The following ACTN4 variants were observed in gnomAD, a reference collection of about 807,000 sequenced individuals.
ACTN4 encodes the protein actinin alpha 4, also known as alpha-actinin-4.
A neutral mutation model predicts 114.2 loss-of-function variants in ACTN4; 18 were observed. That is an observed-to-expected ratio of 0.16 (90% confidence interval 0.11 to 0.23). ACTN4 has a LOEUF of 0.23. Ranked by LOEUF, ACTN4 falls within the 10% of genes least tolerant of loss-of-function variation. ACTN4 has a pLI of 1.00. For synonymous variants in ACTN4, 515 were observed against 506.3 expected, an observed-to-expected ratio of 1.02 and a Z score of -0.23; for missense variants, 722 against 1,262.9, an observed-to-expected ratio of 0.57 and a Z score of 6.49.
At position 38,700,638 on chromosome 19, in the gene ACTN4, A is replaced by G. The variant is rs772894941; in HGVS notation, c.201A>G (p.Ala67=). The G allele has an allele frequency of 6.2e-7, 1 of 1,614,138 alleles. No homozygotes were observed. The highest frequency in any genetic ancestry group is 1.3e-5 in the African/African-American group (1 of 75,034). ...TAWCNSHLRK[A]GTQIENIDED... ...GGTGCAACTCCCACCTGCGGAAGGC[A>G]GGCACACAGATCGAGAACATTGATG... The change falls in exon 2 of 21, where the codon GCA becomes GCG. Residue 67 remains alanine, a synonymous_variant. Transcript: ENST00000252699.
At chr19:38,694,837 A>C (rs1968039206) in intron 1 of ACTN4, among the ~76,000 whole-genome samples, 1 of 152,092 alleles carries the variant, frequency 6.6e-6, no homozygotes, top group Non-Finnish European at 1.5e-5. Context: ...ATTACCTTTA[A>C]TATGTCATGC....
chr19:38,676,535 A>C (rs1967380862), intron 1 of ACTN4, among the ~76,000 whole-genome samples: 1 of 152,218 alleles, frequency 6.6e-6, no homozygotes, highest in Non-Finnish European at 1.5e-5. Flanking sequence ...GAGGAGGCTT[A>C]CAGAGGTCTT....
rs537512659 is a variant in ACTN4 at position 38,724,746 on chromosome 19, G to A, written c.2010+181G>A. Among the ~76,000 whole-genome samples the A allele has an allele frequency of 2.6e-5, 4 of 152,354 alleles. No individual in the cohort carries two copies. In the East Asian group the frequency reaches 7.7e-4, roughly 29 times the overall value. ...AGGAGAGTCCACAGAGCTTGCGCCT[G>A]GAATCCCGGCACCTGGGGAGGCTGA... On this transcript the variant is annotated intron_variant, in intron 16 of 20. Transcript: ENST00000252699. This position sits in a 1 kb window ranked among gnomAD's most constrained non-coding sequence, Gnocchi z 7.0.
rs1163752947 is a variant in ACTN4, at chr19:38,673,485, A to T, written c.162+25578A>T. Among the ~76,000 whole-genome samples, 28 of 84,510 alleles carry T rather than the reference A, an allele frequency of 3.3e-4. 1 individual carries two copies. The highest frequency in any genetic ancestry group is 1.0e-3 in the African/African-American group (25 of 25,076). The allele number at this position is 84,510 out of a possible 152,430, so 55.4% of individuals were successfully genotyped here. A position where few individuals can be genotyped will look rare whatever the true frequency, so the allele number is the denominator to read the frequency against. On this transcript the variant is annotated intron_variant, in intron 1 of 20. Transcript: ENST00000252699. ...TATATTTATATATATTTATATATAT[A>T]TTCATATATATTTATATATATGAAT...
chr19:38,699,802 T>G lies in ACTN4; in HGVS notation c.163-798T>G, dbSNP rs934002970. Among the ~76,000 whole-genome samples the G allele has an allele frequency of 3.1e-4, 47 of 150,532 alleles. 1 individual carries two copies. Among genetic ancestry groups the G allele is most frequent in the Non-Finnish European group, 5.3e-4 (36 of 67,726 alleles). ...AGAATAGGAAGGATAGGGCATGGCA[T>G]GTTCTCCAGGAGACAGAGGGACGGG... On this transcript the variant is annotated intron_variant, in intron 1 of 20. Coordinates refer to ENST00000252699, the MANE Select transcript of ACTN4 (RefSeq NM_004924.6).
intron 3 of ACTN4, among the ~76,000 whole-genome samples, 173 bp downstream of exon 3, chr19:38,701,294 G>C (rs1223907933): frequency 6.6e-6 from 1 of 152,116 alleles, no homozygotes; most frequent in Admixed American, 6.5e-5. Flanking sequence ...TATGATGCTG[G>C]GCCCACAAGC....
In ACTN4 at chr19:38,659,065, C is replaced by CTTTTTTTTTTTTTTTTT. The variant is rs577141157; in HGVS notation, c.162+11171_162+11172insTTTTTTTTTTTTTTTTT. ...TAACTTTTTTTTCTTCTTTTCTTTT[C>CTTTTTTTTTTTTTTTTT]TTTTTTTTTTTTTGAGACGGAGTCT... On this transcript the variant is annotated intron_variant, in intron 1 of 20. Transcript: ENST00000252699. Among the ~76,000 whole-genome samples the CTTTTTTTTTTTTTTTTT allele has an allele frequency of 2.4e-4, 27 of 111,690 alleles. 1 individual carries two copies. The highest frequency in any genetic ancestry group is 5.1e-4 in the East Asian group (2 of 3,948). 73.3% of individuals were successfully genotyped at this position (111,690 alleles called of 152,430 possible).
chr19:38,698,299 T>A (rs1455044645), intron 1 of ACTN4, among the ~76,000 whole-genome samples: 1 of 151,812 alleles, frequency 6.6e-6, no homozygotes, highest in Non-Finnish European at 1.5e-5. Context: ...GAGGAGGAAA[T>A]GGAAGTTAGG....
intron 1 of ACTN4, among the ~76,000 whole-genome samples, chr19:38,655,443 A>T (rs142645798): frequency 6.6e-6 from 1 of 152,286 alleles, no homozygotes; most frequent in Non-Finnish European, 1.5e-5. Flanking sequence ...AACTTTCTCA[A>T]TGTGATTCAG....
intron 5 of ACTN4, 89 bp from the exon 6 acceptor site, chr19:38,708,028 A>T (rs1217376671): frequency 7.7e-7 from 1 of 1,295,224 alleles, no homozygotes; most frequent in Non-Finnish European, 1.1e-6. Context: ...GTGAATGGGA[A>T]TTAGTCACTG....
chr19:38,700,458 C>T (rs112861208), intron 1 of ACTN4, 142 bp from the exon 2 acceptor site: 153 of 725,844 alleles, frequency 2.1e-4, no homozygotes, highest in African/African-American at 2.0e-3. Flanking sequence ...ATGTGTGTAT[C>T]GGCCATGTAC....
chr19:38,714,676 G>A (rs1051091907), intron 9 of ACTN4, 115 bp downstream of exon 9: 34 of 1,081,858 alleles, frequency 3.1e-5, no homozygotes, highest in African/African-American at 2.0e-4. Flanking sequence ...AAAAGGCTGC[G>A]TGGTCACAGA....
At chr19:38,656,309 G>T (rs1479169537) in intron 1 of ACTN4, among the ~76,000 whole-genome samples, 1 of 152,064 alleles carries the variant, frequency 6.6e-6, no homozygotes, top group Non-Finnish European at 1.5e-5. Flanking sequence ...ATGGGGTTTT[G>T]CTGTGTTGCC....
Position 38,708,402 on chromosome 19 carries a change from T to G in ACTN4, c.651+207T>G, listed in dbSNP as rs146738147. Reference sequence around the variant, plus strand: ...CACCTCCCTTATTCCCCTCGTGGACTGTCCAGTCTCCCTCCATGGCACTGC... The same window carrying G: ...CACCTCCCTTATTCCCCTCGTGGACGGTCCAGTCTCCCTCCATGGCACTGC... On this transcript the variant is annotated intron_variant, in intron 6 of 20. Coordinates refer to ENST00000252699, the MANE Select transcript of ACTN4 (RefSeq NM_004924.6). 9.7e-4 allele frequency among the ~76,000 whole-genome samples: 147 copies of G among 152,302 alleles called. 2 individuals carry two copies. The East Asian group carries it at 9.7e-3, about 10-fold the overall frequency.
At chr19:38,699,394 C>T (rs1968194849) in intron 1 of ACTN4, among the ~76,000 whole-genome samples, 1 of 152,200 alleles carries the variant, frequency 6.6e-6, no homozygotes, top group African/African-American at 2.4e-5. Flanking sequence ...GGCTGCCTGA[C>T]CCCGGTGAGG....
chr19:38,695,311 C>T (rs977166116), intron 1 of ACTN4, among the ~76,000 whole-genome samples: 2 of 152,242 alleles, frequency 1.3e-5, no homozygotes, highest in African/African-American at 2.4e-5. Context: ...ACGTTCTGGA[C>T]AGTCAGAGTC....
Position 38,731,352 on chromosome 19 carries a change from G to T in ACTN4, c.*1920G>T, listed in dbSNP as rs917459066. The T allele has an allele frequency of 1.4e-6, 1 of 711,894 alleles. No individual in the cohort carries two copies. The highest frequency in any genetic ancestry group is 2.5e-6 in the Non-Finnish European group (1 of 401,560). The allele number at this position is 711,894 out of a possible 1,614,324, so 44.1% of individuals were successfully genotyped here. A position where few individuals can be genotyped will look rare whatever the true frequency, so the allele number is the denominator to read the frequency against. On this transcript the variant is annotated 3_prime_UTR_variant, in exon 21 of 21. Coordinates refer to ENST00000252699, the MANE Select transcript of ACTN4 (RefSeq NM_004924.6). Reference sequence around the variant, plus strand: ...CACACCCCAACTCTGCCCCATCCCGGCAGGGTGAGTACAGGCTGATCCCTT... The same window carrying T: ...CACACCCCAACTCTGCCCCATCCCGTCAGGGTGAGTACAGGCTGATCCCTT...
At chr19:38,700,059 G>A (rs1362841453) in intron 1 of ACTN4, among the ~76,000 whole-genome samples, 1 of 152,186 alleles carries the variant, frequency 6.6e-6, no homozygotes, top group East Asian at 1.9e-4. Flanking sequence ...CCTGAGGAGA[G>A]CAGCCACGGG....
intron 16 of ACTN4, 113 bp from the exon 17 acceptor site, chr19:38,725,611 G>C (rs1298413319): frequency 3.4e-5 from 43 of 1,277,354 alleles, no homozygotes; most frequent in Non-Finnish European, 1.5e-5. Context: ...CAAGGCCCCA[G>C]GCCAAAGGGG....
Sources: allele counts gnomAD v4.1 joint callset (sites outside exome capture counted in the v4.1 genomes callset), GRCh38; gene constraint gnomAD v4.1.1; non-coding constraint Gnocchi (gnomAD v3.1); transcripts MANE v1.5; gene names NCBI Gene and HGNC (gene_info 2026-07-23, HGNC 2026-07-21).